CNTN4: variants seen among roughly 807,000 people sequenced by gnomAD.
CNTN4 encodes the protein contactin-4.
A neutral mutation model predicts 122.5 loss-of-function variants in CNTN4; 77 were observed. That is an observed-to-expected ratio of 0.63 (90% confidence interval 0.52 to 0.76). CNTN4 has a LOEUF of 0.76. Among genes scored for constraint, CNTN4 ranks in the 30% least tolerant of loss-of-function variants. The pLI is 0.00. For missense variants in CNTN4, 1,256 were observed against 1,259.1 expected, an observed-to-expected ratio of 1.00 and a Z score of 0.04; for synonymous variants, 512 against 447.0, an observed-to-expected ratio of 1.15 and a Z score of -1.83.
At chr3:2,620,508 T>A (rs543392327) in intron 4 of CNTN4, among the ~76,000 whole-genome samples, 285 of 151,680 alleles carry the variant, frequency 1.9e-3, no homozygotes, top group African/African-American at 6.6e-3. Context: ...TCCAAAAATA[T>A]ATATATATAT....
chr3:2,330,849 T>G (rs2043688756), intron 2 of CNTN4, among the ~76,000 whole-genome samples: 1 of 152,206 alleles, frequency 6.6e-6, no homozygotes, highest in African/African-American at 2.4e-5. Context: ...ACGTAGGTAC[T>G]GTTTTCCCCT....
At chr3:2,758,976 C>T (rs185801572) in intron 6 of CNTN4, among the ~76,000 whole-genome samples, 18 of 152,242 alleles carry the variant, frequency 1.2e-4, no homozygotes, top group Non-Finnish European at 2.4e-4. Flanking sequence ...AAACCTGTAA[C>T]CGTTAACAGT....
At chr3:2,702,403 T>A (rs1249060540) in intron 4 of CNTN4, among the ~76,000 whole-genome samples, 2 of 152,214 alleles carry the variant, frequency 1.3e-5, no homozygotes, top group African/African-American at 4.8e-5. Flanking sequence ...AGTTAACAAA[T>A]GTGATGTAGC....
intron 2 of CNTN4, among the ~76,000 whole-genome samples, chr3:2,307,384 G>A (rs1246159860): frequency 2.6e-5 from 4 of 151,108 alleles, no homozygotes; most frequent in East Asian, 1.9e-4. Context: ...GCAGTGGGCC[G>A]AGATTGTGCC....
chr3:2,220,595 A>T (rs1238780937), intron 2 of CNTN4, among the ~76,000 whole-genome samples: 1 of 152,102 alleles, frequency 6.6e-6, no homozygotes, highest in Non-Finnish European at 1.5e-5. Context: ...GTTCTGTTTT[A>T]CGTCTGTTTT....
At chr3:2,708,616 T>C (rs1428256444) in intron 4 of CNTN4, among the ~76,000 whole-genome samples, 2 of 152,188 alleles carry the variant, frequency 1.3e-5, no homozygotes, top group Non-Finnish European at 2.9e-5. Flanking sequence ...TCCCACATCA[T>C]GAATATTCAA....
In CNTN4 at chr3:2,125,633, A is replaced by G. The variant is rs956174217; in HGVS notation, c.-145+24994A>G. Among the ~76,000 whole-genome samples, 9 of 147,636 alleles carry G rather than the reference A, an allele frequency of 6.1e-5. No homozygotes were observed. In the East Asian group the frequency reaches 1.8e-3, roughly 29 times the overall value. Reference sequence around the variant, plus strand: ...GAGTTCAGTGGCACCATCTTGGATCACTGCAAGCTCTGCCTCCTGGGTTCA... The same window carrying G: ...GAGTTCAGTGGCACCATCTTGGATCGCTGCAAGCTCTGCCTCCTGGGTTCA... On this transcript the variant is annotated intron_variant, in intron 2 of 24. Transcript: ENST00000418658.
At chr3:2,830,345 G>A (rs1038976106) in intron 7 of CNTN4, among the ~76,000 whole-genome samples, 2 of 152,170 alleles carry the variant, frequency 1.3e-5, no homozygotes, top group African/African-American at 4.8e-5. Flanking sequence ...AGAACTGGAG[G>A]CCACTGATGT....
chr3:2,118,641 G>T (rs577356671), intron 2 of CNTN4, among the ~76,000 whole-genome samples: 2 of 152,004 alleles, frequency 1.3e-5, no homozygotes, highest in African/African-American at 4.8e-5. Flanking sequence ...TTTTCCTACC[G>T]ATAGGCTTCC....
chr3:2,368,467 CCTTT>C (rs2045500271), intron 3 of CNTN4, among the ~76,000 whole-genome samples: 2 of 152,234 alleles, frequency 1.3e-5, no homozygotes, highest in East Asian at 3.9e-4. Flanking sequence ...CTTGAACCTG[CCTTT>C]CTTTACCTAT....
chr3:2,257,007 C>T (rs111552846), intron 2 of CNTN4, among the ~76,000 whole-genome samples: 4,399 of 152,172 alleles, frequency 0.029, 209 homozygotes, highest in African/African-American at 0.1. Context: ...AAGAACAAGG[C>T]TGGAGGCATC....
intron 4 of CNTN4, among the ~76,000 whole-genome samples, chr3:2,664,413 A>AT (rs11435964): frequency 0.22 from 34,023 of 151,904 alleles, 4,721 homozygotes; most frequent in African/African-American, 0.39. Context: ...CATCACCTAT[A>AT]TTTTTTTTCC....
chr3:2,970,898 C>G (rs1381049429), intron 13 of CNTN4, among the ~76,000 whole-genome samples: 1 of 152,132 alleles, frequency 6.6e-6, no homozygotes, highest in Non-Finnish European at 1.5e-5. Flanking sequence ...AGTGATTCTC[C>G]TGACTCAGCC....
chr3:2,181,418 C>G (rs538084478), intron 2 of CNTN4, among the ~76,000 whole-genome samples: 2 of 151,946 alleles, frequency 1.3e-5, no homozygotes, highest in Non-Finnish European at 2.9e-5. Flanking sequence ...TTTAGTAGAA[C>G]GTATCAAACG....
chr3:2,815,662 G>C (rs1006957188), intron 6 of CNTN4, among the ~76,000 whole-genome samples: 1 of 152,080 alleles, frequency 6.6e-6, no homozygotes, highest in Non-Finnish European at 1.5e-5. Context: ...AGCCACTATG[G>C]AAAACAGTGT....
intron 12 of CNTN4, among the ~76,000 whole-genome samples, chr3:2,923,061 T>C (rs529331006): frequency 6.6e-6 from 1 of 152,252 alleles, no homozygotes; most frequent in East Asian, 1.9e-4. Context: ...GTGTCTGATA[T>C]GCTATTTCAA....
chr3:2,368,027 TTC>T (rs1210851821), intron 3 of CNTN4, among the ~76,000 whole-genome samples: 6 of 124,174 alleles, frequency 4.8e-5, no homozygotes, highest in African/African-American at 2.2e-4. Context: ...GCTAGAAAAC[TTC>T]TTTTTTTTTT....
rs553789344 is a variant in CNTN4, at chr3:2,939,640, G to A, written c.1358+13861G>A. Among the ~76,000 whole-genome samples the A allele has an allele frequency of 2.6e-5, 4 of 152,324 alleles. No homozygotes were observed. In the South Asian group the frequency reaches 8.3e-4, roughly 32 times the overall value. On this transcript the variant is annotated intron_variant, in intron 13 of 24. Transcript: ENST00000418658. ...TGTAAGATGCATTATGTGATGGGAT[G>A]TATTCCTCCAAGCAAGATCACTTAC...
chr3:2,957,184 C>G (rs968452463), intron 13 of CNTN4, among the ~76,000 whole-genome samples: 3 of 150,804 alleles, frequency 2.0e-5, no homozygotes, highest in African/African-American at 4.9e-5. Context: ...TATGGTAGTT[C>G]TAATTTAAAT....
Sources: gnomAD v4.1 joint callset for allele counts (sites outside exome capture counted in the v4.1 genomes callset) on GRCh38, gnomAD v4.1.1 for gene constraint, MANE v1.5 for transcripts, NCBI Gene and HGNC (gene_info 2026-07-23, HGNC 2026-07-21) for gene names.